The following SHROOM3 variants were observed in gnomAD, a reference collection of about 807,000 sequenced individuals.
The protein encoded by SHROOM3 is protein Shroom3.
Under a neutral mutation model 138.6 loss-of-function variants are expected in SHROOM3, and 47 were observed. The ratio of observed to expected loss-of-function variants is 0.34; its 90% CI spans 0.27 to 0.43. The LOEUF is 0.43. SHROOM3 is among the 20% of genes least tolerant of loss of function. SHROOM3 has a pLI of 1.00. For synonymous variants in SHROOM3, 1,062 were observed against 1,063.3 expected (o/e 1.00, Z 0.02); for missense variants, 2,491 against 2,596.5 (o/e 0.96, Z 0.88).
chr4:76,477,053 T>C (rs6831592), intron 1 of SHROOM3, among the ~76,000 whole-genome samples: 152,229 of 152,286 alleles, frequency 1, 76,086 homozygotes, highest in Middle Eastern at 1. Context: ...CTGCAAGCTC[T>C]GCCTCCTGGG....
chr4:76,489,290 G>T (rs1731800905), intron 1 of SHROOM3, among the ~76,000 whole-genome samples: 1 of 152,064 alleles, frequency 6.6e-6, no homozygotes, highest in Non-Finnish European at 1.5e-5. Flanking sequence ...GTCCTTTATG[G>T]TGGCTGGTTC....
At chr4:76,775,689 G>A (rs72663246) in intron 10 of SHROOM3, among the ~76,000 whole-genome samples, 23,900 of 149,136 alleles carry the variant, frequency 0.16, 1,966 homozygotes, top group South Asian at 0.24. Context: ...GTGTGTGTGT[G>A]TATATATACA....
intron 1 of SHROOM3, among the ~76,000 whole-genome samples, chr4:76,538,261 TG>T (rs1441973708): frequency 2.0e-5 from 3 of 152,134 alleles, no homozygotes; most frequent in Non-Finnish European, 4.4e-5. Context: ...ATAAAGCTGT[TG>T]GAAAAAAAGA....
In SHROOM3 at chr4:76,714,383, T is replaced by C. The variant is rs1577990873; in HGVS notation, c.455+4096T>C. On this transcript the variant is annotated intron_variant, in intron 3 of 10. Transcript: ENST00000296043. Reference sequence around the variant, plus strand: ...GGCAGATATTTTGTAGAATGCTTACTATTTGGGTGTGTCTGATGTGTTCTC... The same window carrying C: ...GGCAGATATTTTGTAGAATGCTTACCATTTGGGTGTGTCTGATGTGTTCTC... 2.0e-5 allele frequency among the ~76,000 whole-genome samples: 3 copies of C among 152,188 alleles called. No homozygotes were observed. The East Asian group carries it at 5.8e-4, about 29-fold the overall frequency.
At chr4:76,631,901 G>A (rs1357011697) in intron 2 of SHROOM3, among the ~76,000 whole-genome samples, 3 of 152,180 alleles carry the variant, frequency 2.0e-5, no homozygotes, top group African/African-American at 4.8e-5. Context: ...GTAGCTTAGG[G>A]TGGTAGCAGT....
chr4:76,553,854 T>C (rs1423419537), intron 1 of SHROOM3, among the ~76,000 whole-genome samples: 1 of 152,198 alleles, frequency 6.6e-6, no homozygotes, highest in Non-Finnish European at 1.5e-5. Flanking sequence ...GAATGGAAGG[T>C]GCAGATATTT....
At position 76,779,221 on chromosome 4, in the gene SHROOM3, C is replaced by A; in HGVS notation, c.*44C>A. 6.4e-7 allele frequency: 1 copy of A among 1,554,134 alleles called. No individual in the cohort carries two copies. Among genetic ancestry groups the A allele is most frequent in the Non-Finnish European group, 8.7e-7 (1 of 1,151,930 alleles). ...ACCAAAAGATCACTGTTTCTCTCAA[C>A]ACTATTTAATCTGAAAAATGTTTCA... On this transcript the variant is annotated 3_prime_UTR_variant, in exon 11 of 11. Transcript: ENST00000296043.
Position 76,739,273 on chromosome 4 carries a change from G to C in SHROOM3, c.1100G>C (p.Ser367Thr), listed in dbSNP as rs749869702. 6.2e-6 allele frequency: 10 copies of C among 1,613,918 alleles called. No individual in the cohort carries two copies. In the East Asian group the frequency reaches 2.0e-4, roughly 32 times the overall value. ...CCATCCTGGAGCCAGCAGTGCCCCA[G>C]TTCCTTGGAGACTGCCACGGACAAC... ...PPPSWSQQCP[S>T]SLETATDNLP... is the part of the protein sequence containing the mutation. Residue 367 changes from serine (S) to threonine (T), a missense_variant, in exon 5 of 11, where the codon AGT becomes ACT. Physicochemically the swap from Ser to Thr is moderately conservative, Grantham distance 58. Around this residue, in one of 4 missense-constraint regions of SHROOM3, gnomAD observed 1,733 missense variants for 1,661.6 expected, o/e 1.04. Coordinates refer to ENST00000296043, the MANE Select transcript of SHROOM3 (RefSeq NM_020859.4).
Position 76,518,566 on chromosome 4 carries a change from C to G in SHROOM3, c.169-37043C>G, listed in dbSNP as rs528877143. The stretch of plus-strand genomic sequence containing the variant: ...TACCTTCTTCCTTCCTTCCTTCCTT[C>G]TTGCCTGCTTGCCTGCCTGCCTGCC... On this transcript the variant is annotated intron_variant, in intron 1 of 10. Transcript: ENST00000296043. Among the ~76,000 whole-genome samples the G allele has an allele frequency of 5.9e-4, 86 of 144,830 alleles. 3 individuals carry two copies. The South Asian group carries it at 0.02, about 33-fold the overall frequency.
intron 1 of SHROOM3, among the ~76,000 whole-genome samples, chr4:76,441,279 G>C (rs558742182): frequency 6.6e-6 from 1 of 152,016 alleles, no homozygotes; most frequent in African/African-American, 2.4e-5. Flanking sequence ...ATTTTTAGTA[G>C]AGACAGGGTT....
intron 6 of SHROOM3, among the ~76,000 whole-genome samples, chr4:76,753,819 A>G (rs1721710866): frequency 7.9e-5 from 12 of 152,208 alleles, no homozygotes; most frequent in Admixed American, 7.9e-4. Flanking sequence ...CAAAAGTTGT[A>G]AATAAAACCT....
chr4:76,754,772 G>C lies in SHROOM3; in HGVS notation c.4289G>C (p.Arg1430Pro), dbSNP rs61741104. 1.9e-6 allele frequency: 3 copies of C among 1,614,108 alleles called. No individual in the cohort carries two copies. The highest frequency in any genetic ancestry group is 3.3e-4 in the Middle Eastern group (2 of 6,062). ...CTGCCTCAGTGGCCACCTCCTTCTC[G>C]AGCAAAGTGGGCCCACGCAGCCAGA... ...VSLPQWPPPS[R>P]AKWAHAARED... The change falls in exon 7 of 11, where the codon CGA becomes CCA. Residue 1430 changes from arginine (R) to proline (P), a missense_variant. Physicochemically the swap from Arg to Pro is moderately radical, Grantham distance 103 (BLOSUM62 -2). Coordinates refer to ENST00000296043, the MANE Select transcript of SHROOM3 (RefSeq NM_020859.4).
chr4:76,703,943 G>A (rs536023086), intron 2 of SHROOM3, among the ~76,000 whole-genome samples: 13 of 152,262 alleles, frequency 8.5e-5, no homozygotes, highest in South Asian at 4.2e-4. Context: ...GCTGTTTGTC[G>A]AAGGGGCTCT....
intron 1 of SHROOM3, among the ~76,000 whole-genome samples, chr4:76,447,323 T>C (rs571707248): frequency 2.0e-5 from 3 of 152,308 alleles, no homozygotes; most frequent in Non-Finnish European, 4.4e-5. Flanking sequence ...AAAATTGGAC[T>C]CTAGAATCAA....
intron 2 of SHROOM3, among the ~76,000 whole-genome samples, chr4:76,583,609 G>A (rs1008144972): frequency 2.6e-5 from 4 of 152,182 alleles, no homozygotes; most frequent in Admixed American, 1.3e-4. Flanking sequence ...TTCAGAACAT[G>A]GGCTCTGTGG....
intron 2 of SHROOM3, chr4:76,689,060 G>C: frequency 1.8e-6 from 1 of 562,024 alleles, no homozygotes; most frequent in Non-Finnish European, 2.3e-6. Flanking sequence ...GCGAGCGCGG[G>C]CTTCTTAAAG....
chr4:76,696,628 T>C (rs1719743257), intron 2 of SHROOM3, among the ~76,000 whole-genome samples: 1 of 152,210 alleles, frequency 6.6e-6, no homozygotes, highest in South Asian at 2.1e-4. Context: ...AACTCCTCCC[T>C]GAGGTCACCC....
intron 4 of SHROOM3, 41 bp from the exon 5 acceptor site, chr4:76,738,720 A>G (rs1307098718): frequency 1.2e-6 from 2 of 1,610,088 alleles, no homozygotes; most frequent in South Asian, 1.1e-5. Context: ...CTACTAAATG[A>G]TAACAGCTCA....
intron 2 of SHROOM3, among the ~76,000 whole-genome samples, chr4:76,670,880 G>A (rs1457482831): frequency 1.3e-5 from 2 of 152,142 alleles, no homozygotes; most frequent in Non-Finnish European, 2.9e-5. Flanking sequence ...TTGAGCCTGG[G>A]AGGTCACAGT....
Sources: allele counts gnomAD v4.1 joint callset (sites outside exome capture counted in the v4.1 genomes callset), GRCh38; gene constraint gnomAD v4.1.1; regional missense constraint gnomAD v4.1.1; transcripts MANE v1.5; gene names NCBI Gene and HGNC (gene_info 2026-07-23, HGNC 2026-07-21).